ARAP2: variants seen among roughly 807,000 people sequenced by gnomAD.
ARAP2 encodes the protein arf-GAP with Rho-GAP domain, ANK repeat and PH domain-containing protein 2.
In ARAP2, 148 loss-of-function variants were observed where a neutral mutation model predicts 194.5. The ratio of observed to expected loss-of-function variants is 0.76; its 90% CI spans 0.67 to 0.87. ARAP2 has a LOEUF of 0.87. Among genes scored for constraint, ARAP2 ranks in the 40% least tolerant of loss-of-function variants. ARAP2 has a pLI of 0.00. For missense variants in ARAP2, 2,128 were observed against 1,989.7 expected (o/e 1.07, Z -1.32); for synonymous variants, 695 against 683.5 (o/e 1.02, Z -0.26).
chr4:36,214,375 T>C, intron 3 of ARAP2, 47 bp downstream of exon 3: 1 of 1,502,094 alleles, frequency 6.7e-7, no homozygotes, highest in Non-Finnish European at 9.1e-7. Flanking sequence ...CAGTTAAGAC[T>C]ATCAAATGAG....
At chr4:36,125,014 T>C (rs745730289) in intron 21 of ARAP2, 47 bp from the exon 22 acceptor site, 4 of 1,241,506 alleles carry the variant, frequency 3.2e-6, no homozygotes, top group Non-Finnish European at 4.7e-6. Flanking sequence ...TAATTATCTA[T>C]GTTATGGATT....
chr4:36,147,893 C>T, intron 17 of ARAP2, 147 bp from the exon 18 acceptor site: 2 of 705,276 alleles, frequency 2.8e-6, no homozygotes, highest in Admixed American at 3.2e-5. Flanking sequence ...AACAACTAAA[C>T]TTGCTATCAG....
At chr4:36,156,928 C>T (rs983443230) in intron 15 of ARAP2, among the ~76,000 whole-genome samples, 1 of 151,828 alleles carries the variant, frequency 6.6e-6, no homozygotes, top group Non-Finnish European at 1.5e-5. Context: ...TAAATTTTAA[C>T]CAAAAATCCA....
At chr4:36,114,051 C>A in intron 26 of ARAP2, 119 bp downstream of exon 26, 1 of 779,346 alleles carries the variant, frequency 1.3e-6, no homozygotes, top group Non-Finnish European at 2.1e-6. Flanking sequence ...AATACATGCA[C>A]TAAGGTAAAA....
chr4:36,169,812 G>A (rs746061148), intron 9 of ARAP2, among the ~76,000 whole-genome samples: 14 of 152,180 alleles, frequency 9.2e-5, no homozygotes, highest in Admixed American at 3.9e-4. Context: ...GATTGCAGGC[G>A]TGAGCCACAG....
At chr4:36,114,353 A>G (rs1720804214) in intron 25 of ARAP2, 66 bp from the exon 26 acceptor site, 1 of 929,536 alleles carries the variant, frequency 1.1e-6, no homozygotes, top group Non-Finnish European at 1.7e-6. Context: ...TGCTAGGTCA[A>G]TAATATTCCC....
chr4:36,120,701 T>A (rs1368529069), intron 23 of ARAP2, among the ~76,000 whole-genome samples: 4 of 151,728 alleles, frequency 2.6e-5, no homozygotes, highest in African/African-American at 9.6e-5. Flanking sequence ...AATGGAAATT[T>A]AAAAAGTCAA....
intron 31 of ARAP2, among the ~76,000 whole-genome samples, chr4:36,077,846 A>G (rs1577769311): frequency 6.6e-6 from 1 of 152,282 alleles, no homozygotes; most frequent in African/African-American, 2.4e-5. Context: ...AAAACAAGAC[A>G]GTGATGATGT....
chr4:36,035,589 T>A (rs981675316), intron 5 of ARAP2, among the ~76,000 whole-genome samples: 1 of 151,976 alleles, frequency 6.6e-6, no homozygotes, highest in Non-Finnish European at 1.5e-5. Context: ...TCCAGCAGAG[T>A]CTATGAGATT....
At chr4:36,192,168 GTTTTTTTTTTTTT>G (rs569144058) in intron 7 of ARAP2, among the ~76,000 whole-genome samples, 4 of 100,724 alleles carry the variant, frequency 4.0e-5, no homozygotes, top group African/African-American at 1.2e-4. Flanking sequence ...CAGTGTTTCT[GTTTTTTTTTTTTT>G]TTTTTTTTTT....
In ARAP2 at chr4:36,228,981, G is replaced by A. The variant is rs550437677; in HGVS notation, c.506C>T (p.Ser169Phe). ...TTTAATATTGTCACTACCAAATAAA[G>A]AATCATTCAAAGAACCCAAATTCAG... is the stretch of plus-strand genomic sequence containing the variant. ...PHLNLGSLND[S>F]LFGSDNIKIE... is the part of the protein sequence containing the mutation. Residue 169 changes from serine (S) to phenylalanine (F), a missense_variant, in exon 2 of 33, where the codon TCT becomes TTT. Transcript: ENST00000303965. 13 of 1,614,030 alleles carry A rather than the reference G, an allele frequency of 8.1e-6. No homozygotes were observed. The African/African-American group carries it at 1.6e-4, about 20-fold the overall frequency.
chr4:36,222,541 C>T (rs906794040), intron 2 of ARAP2, among the ~76,000 whole-genome samples: 5 of 151,886 alleles, frequency 3.3e-5, no homozygotes, highest in African/African-American at 1.2e-4. Context: ...ATATCATTTT[C>T]ATTAATCAAA....
chr4:36,074,999 C>T (rs932859395), intron 31 of ARAP2, among the ~76,000 whole-genome samples: 3 of 151,982 alleles, frequency 2.0e-5, no homozygotes, highest in African/African-American at 4.8e-5. Flanking sequence ...ACCTTAGTTC[C>T]GCAAATCTAT....
In ARAP2 at chr4:36,159,210, G is replaced by A. The variant is rs892277544; in HGVS notation, c.2617+121C>T. The A allele has an allele frequency of 3.7e-6, 4 of 1,079,338 alleles. No individual in the cohort carries two copies. In the African/African-American group the frequency reaches 4.9e-5, roughly 13 times the overall value. The allele number at this position is 1,079,338 out of a possible 1,614,324, so 66.9% of individuals were successfully genotyped here. ...TAGTCTTAGGCATCTCCATCTTTTT[G>A]GTAATTACATTTTTCTTCATTCTGA... On this transcript the variant is annotated intron_variant, in intron 14 of 32. Transcript: ENST00000303965.
rs376921150 is a variant in ARAP2, at chr4:36,014,195, C to G, written n.1056+1191G>C. 1.1e-4 allele frequency among the ~76,000 whole-genome samples: 15 copies of G among 137,730 alleles called. 1 individual carries two copies. The East Asian group carries it at 2.9e-3, about 27-fold the overall frequency. 90.4% of individuals were successfully genotyped at this position (137,730 alleles called of 152,430 possible). A position where few individuals can be genotyped will look rare whatever the true frequency, so the allele number is the denominator to read the frequency against. ...TGAGCTGACATTGTACAACTACACTCAAGCCTAGGTGACAAAGTGAGACCC... is the reference window on the plus strand; with the variant it reads ...TGAGCTGACATTGTACAACTACACTGAAGCCTAGGTGACAAAGTGAGACCC... On this transcript the variant is annotated intron_variant and non_coding_transcript_variant, in intron 8 of 12. Coordinates refer to the ARAP2 transcript ENST00000503225.
At chr4:36,238,916 A>G (rs1258907967) in intron 1 of ARAP2, among the ~76,000 whole-genome samples, 1 of 149,490 alleles carries the variant, frequency 6.7e-6, no homozygotes, top group Non-Finnish European at 1.5e-5. Context: ...CACTGCCCAC[A>G]TGAAGTCAAT....
chr4:36,172,563 C>G (rs1475485206), intron 9 of ARAP2, among the ~76,000 whole-genome samples: 1 of 152,024 alleles, frequency 6.6e-6, no homozygotes, highest in Non-Finnish European at 1.5e-5. Flanking sequence ...TACCAAGATA[C>G]TGAAACGGGT....
chr4:36,214,554 G>C, intron 2 of ARAP2, 74 bp from the exon 3 acceptor site: 1 of 943,896 alleles, frequency 1.1e-6, no homozygotes, highest in Non-Finnish European at 1.5e-6. Context: ...AAAATTATTA[G>C]AAAATATTAT....
At chr4:36,238,207 C>A (rs1280855215) in intron 1 of ARAP2, among the ~76,000 whole-genome samples, 1 of 152,162 alleles carries the variant, frequency 6.6e-6, no homozygotes, top group Non-Finnish European at 1.5e-5. Context: ...CTCCTCTGTA[C>A]CCTGTTCTCT....
Sources: gnomAD v4.1 joint callset for allele counts (sites outside exome capture counted in the v4.1 genomes callset) on GRCh38, gnomAD v4.1.1 for gene constraint, MANE v1.5 for transcripts, NCBI Gene and HGNC (gene_info 2026-07-23, HGNC 2026-07-21) for gene names.